The following PGM5 variants were observed in gnomAD, a reference collection of about 807,000 sequenced individuals.
PGM5 encodes phosphoglucomutase 5, also known as phosphoglucomutase-like protein 5.
In PGM5, 23 loss-of-function variants were observed where a neutral mutation model predicts 59.2. That is an observed-to-expected ratio of 0.39 (90% confidence interval 0.28 to 0.55). PGM5 has a LOEUF of 0.55. Among genes scored for constraint, PGM5 ranks in the 20% least tolerant of loss-of-function variants. The probability of loss-of-function intolerance (pLI) is 0.66; values close to 1 mark genes in which losing one functional copy is unlikely to be tolerated. For synonymous variants in PGM5, 214 were observed against 286.0 expected (o/e 0.75, Z 2.54); for missense variants, 574 against 748.3 (o/e 0.77, Z 2.72).
chr9:68,518,852 A>G (rs989607720), intron 10 of PGM5, among the ~76,000 whole-genome samples: 1 of 152,252 alleles, frequency 6.6e-6, no homozygotes, highest in Non-Finnish European at 1.5e-5. Context: ...AAGAGGAGAC[A>G]GAAACTTGGG....
At chr9:68,360,729 A>G (rs1269747813) in intron 1 of PGM5, among the ~76,000 whole-genome samples, 1 of 152,144 alleles carries the variant, frequency 6.6e-6, no homozygotes, top group Non-Finnish European at 1.5e-5. Context: ...TGTCATGATT[A>G]TTTTTTGCTT....
chr9:68,427,514 C>T (rs527426272), intron 6 of PGM5, among the ~76,000 whole-genome samples: 2 of 152,292 alleles, frequency 1.3e-5, no homozygotes, highest in Admixed American at 1.3e-4. Context: ...CATCATAAGG[C>T]CACCTGCTGT....
At chr9:68,441,199 G>A (rs1554683678) in intron 6 of PGM5, among the ~76,000 whole-genome samples, 1 of 151,808 alleles carries the variant, frequency 6.6e-6, no homozygotes, top group East Asian at 1.9e-4. Flanking sequence ...AAATATATTG[G>A]TGAATTATTG....
At chr9:68,372,029 G>T (rs1277243792) in intron 1 of PGM5, among the ~76,000 whole-genome samples, 1 of 152,192 alleles carries the variant, frequency 6.6e-6, no homozygotes, top group Non-Finnish European at 1.5e-5. Context: ...AACTGTAAGG[G>T]AATAAATTTT....
intron 6 of PGM5, among the ~76,000 whole-genome samples, chr9:68,455,094 A>G (rs782749943): frequency 5.3e-5 from 8 of 152,192 alleles, no homozygotes; most frequent in Non-Finnish European, 8.8e-5. Context: ...TCTCGGAACC[A>G]TGCAGAGAGA....
At chr9:68,407,193 C>A (rs1161139589) in intron 6 of PGM5, among the ~76,000 whole-genome samples, 9 of 152,134 alleles carry the variant, frequency 5.9e-5, no homozygotes, top group Middle Eastern at 3.2e-3. Context: ...GGCAGTGGCA[C>A]AATCACAGCT....
intron 6 of PGM5, among the ~76,000 whole-genome samples, chr9:68,420,596 AG>A (rs1823111806): frequency 2.0e-5 from 3 of 152,232 alleles, no homozygotes; most frequent in African/African-American, 7.2e-5. Flanking sequence ...TGAAGTATAA[AG>A]AATTGAGAGG....
At position 68,356,774 on chromosome 9, in the gene PGM5, G is replaced by A. The variant is rs1228953622; in HGVS notation, c.-354G>A. On this transcript the variant is annotated 5_prime_UTR_variant, in exon 1 of 11. Transcript: ENST00000396396. ...AGGCGCGGGTGGAGGCGTCACCGGG[G>A]TCGGGCTAGCAGGCCCTGGAATCAG... 6 of 213,300 alleles carry A rather than the reference G, an allele frequency of 2.8e-5. No individual in the cohort carries two copies. The highest frequency in any genetic ancestry group is 1.2e-4 in the Admixed American group (2 of 16,740). 13.2% of individuals were successfully genotyped at this position (213,300 alleles called of 1,614,324 possible).
In PGM5 at chr9:68,517,047, C is replaced by CT. The variant is rs781374136; in HGVS notation, c.1615-12505dup. On this transcript the variant is annotated intron_variant, in intron 10 of 10. Coordinates refer to ENST00000396396, the MANE Select transcript of PGM5 (RefSeq NM_021965.4). ...CCACCACGCCCGGCTAATTTTTTGTCTTTTTTTTTTTTTTTAAATAGAGAC... is the reference window on the plus strand; with the variant it reads ...CCACCACGCCCGGCTAATTTTTTGTCTTTTTTTTTTTTTTTTAAATAGAGAC... 5.3e-3 allele frequency among the ~76,000 whole-genome samples: 733 copies of CT among 139,452 alleles called. 4 individuals are homozygous for CT. Among genetic ancestry groups the CT allele is most frequent in the African/African-American group, 0.013 (497 of 38,206 alleles). The allele number at this position is 139,452 out of a possible 152,430, so 91.5% of individuals were successfully genotyped here. A position where few individuals can be genotyped will look rare whatever the true frequency, so the allele number is the denominator to read the frequency against.
intron 9 of PGM5, chr9:68,496,769 T>C (rs1047118908): frequency 6.6e-6 from 1 of 152,226 alleles, no homozygotes; most frequent in Admixed American, 6.5e-5. Context: ...AATTCTTAAA[T>C]TTCCCCTCAC....
chr9:68,508,240 C>A (rs1370618070), intron 10 of PGM5, among the ~76,000 whole-genome samples: 2 of 152,072 alleles, frequency 1.3e-5, no homozygotes, highest in East Asian at 3.9e-4. Context: ...ACCGGCATTG[C>A]CAGCTTATCC....
In PGM5 at chr9:68,408,245, C is replaced by A. The variant is rs542825627; in HGVS notation, c.1043+15772C>A. ...TAAAGAGGAAATTTCCATCAAGGGC[C>A]AACTCCTAGAGGAGATCACAGAGCA... On this transcript the variant is annotated intron_variant, in intron 6 of 10. Coordinates refer to ENST00000396396, the MANE Select transcript of PGM5 (RefSeq NM_021965.4). 2.0e-3 allele frequency among the ~76,000 whole-genome samples: 308 copies of A among 152,290 alleles called. 1 individual carries two copies. Among genetic ancestry groups the A allele is most frequent in the African/African-American group, 6.9e-3 (287 of 41,562 alleles).
intron 10 of PGM5, among the ~76,000 whole-genome samples, chr9:68,528,836 T>C (rs757914857): frequency 1.4e-4 from 21 of 152,380 alleles, no homozygotes; most frequent in South Asian, 4.1e-4. Context: ...ACCATATCCA[T>C]GCACCACTGA....
intron 6 of PGM5, among the ~76,000 whole-genome samples, chr9:68,418,250 C>A (rs1051623478): frequency 6.6e-6 from 1 of 152,156 alleles, no homozygotes; most frequent in South Asian, 2.1e-4. Flanking sequence ...TTTCACTGGG[C>A]AAATCAACTA....
intron 10 of PGM5, among the ~76,000 whole-genome samples, chr9:68,514,991 A>G (rs929498980): frequency 3.3e-5 from 5 of 152,316 alleles, no homozygotes; most frequent in Non-Finnish European, 7.3e-5. Context: ...TCTTCACACA[A>G]TTATACTAGT....
intron 1 of PGM5, among the ~76,000 whole-genome samples, chr9:68,376,807 TTCTTTCTTTCTTTCTTTCTTTCTTTC>T (rs1821909656): frequency 6.0e-5 from 7 of 116,942 alleles, no homozygotes; most frequent in South Asian, 2.5e-4. Flanking sequence ...CTTTCTTTCT[TTCTTTCTTTCTTTCTTTCTTTCTTTC>T]TCTTTCTTTC....
rs72293391 is a variant in PGM5, at chr9:68,484,541, A to AACACACAC, written c.1479+523_1479+530dup. Among the ~76,000 whole-genome samples the AACACACAC allele has an allele frequency of 9.1e-3, 1,203 of 132,302 alleles. 15 individuals carry two copies. The highest frequency in any genetic ancestry group is 0.026 in the African/African-American group (870 of 33,570). The allele number at this position is 132,302 out of a possible 152,430, so 86.8% of individuals were successfully genotyped here. A position where few individuals can be genotyped will look rare whatever the true frequency, so the allele number is the denominator to read the frequency against. ...GGAGACAAAGTGAGACCATGTCTCA[A>AACACACAC]ACACACACACACACACACACACACA... On this transcript the variant is annotated intron_variant, in intron 9 of 10. Coordinates refer to ENST00000396396, the MANE Select transcript of PGM5 (RefSeq NM_021965.4).
chr9:68,381,902 C>A (rs1266076471), intron 2 of PGM5, among the ~76,000 whole-genome samples: 1 of 151,944 alleles, frequency 6.6e-6, no homozygotes, highest in Non-Finnish European at 1.5e-5. Flanking sequence ...AATAGATATC[C>A]TGTGCTCACT....
chr9:68,466,351 A>G (rs2132080004), intron 7 of PGM5: 1 of 336,352 alleles, frequency 3.0e-6, no homozygotes, highest in East Asian at 1.2e-4. Flanking sequence ...CTGTTTATGT[A>G]ATTGTTTATC....
Sources: gnomAD v4.1 joint callset for allele counts (sites outside exome capture counted in the v4.1 genomes callset) on GRCh38, gnomAD v4.1.1 for gene constraint, MANE v1.5 for transcripts, NCBI Gene and HGNC (gene_info 2026-07-23, HGNC 2026-07-21) for gene names.